The following TACC2 variants were observed in gnomAD, a reference collection of about 807,000 sequenced individuals.
TACC2 encodes transforming acidic coiled-coil-containing protein 2.
TACC2 carries 137 observed loss-of-function variants against 227.3 expected under a neutral mutation model. The ratio of observed to expected loss-of-function variants is 0.60; its 90% CI spans 0.52 to 0.69. The LOEUF is 0.69. TACC2 is among the 30% of genes least tolerant of loss of function. The pLI is 0.00. For missense variants in TACC2, 3,470 were observed against 3,694.4 expected, an observed-to-expected ratio of 0.94 and a Z score of 1.57; for synonymous variants, 1,523 against 1,487.5, an observed-to-expected ratio of 1.02 and a Z score of -0.55.
intron 5 of TACC2, among the ~76,000 whole-genome samples, chr10:122,128,018 C>T (rs553003124): frequency 6.6e-6 from 1 of 152,234 alleles, no homozygotes; most frequent in East Asian, 1.9e-4. Context: ...TAGCCTGTAG[C>T]CTGTTAGAAG....
chr10:122,062,074 C>G (rs1238844408), intron 3 of TACC2, among the ~76,000 whole-genome samples: 2 of 148,036 alleles, frequency 1.4e-5, no homozygotes, highest in Middle Eastern at 3.4e-3. Flanking sequence ...GCTCTGTCAC[C>G]CAGGCTGGAG....
At chr10:122,173,099 A>C (rs937744373) in intron 7 of TACC2, among the ~76,000 whole-genome samples, 8 of 152,192 alleles carry the variant, frequency 5.3e-5, no homozygotes, top group Admixed American at 6.5e-5. Flanking sequence ...AAAAGAGGGC[A>C]TATATCGCCT....
intron 7 of TACC2, among the ~76,000 whole-genome samples, chr10:122,181,636 A>C (rs2093973623): frequency 6.6e-6 from 1 of 152,154 alleles, no homozygotes; most frequent in Non-Finnish European, 1.5e-5. Context: ...CTCATATTTG[A>C]TGGCTGTGGT....
chr10:121,996,206 A>G (rs1229519756), intron 1 of TACC2, among the ~76,000 whole-genome samples: 11 of 151,996 alleles, frequency 7.2e-5, no homozygotes, highest in Non-Finnish European at 1.5e-5. Flanking sequence ...GGCACGCACC[A>G]CCACACCTGG....
intron 1 of TACC2, among the ~76,000 whole-genome samples, chr10:122,019,302 G>T (rs897348390): frequency 1.3e-5 from 2 of 152,248 alleles, no homozygotes; most frequent in Middle Eastern, 6.3e-3. Context: ...AGACTGCCGC[G>T]TCATCACATT....
intron 16 of TACC2, among the ~76,000 whole-genome samples, chr10:122,235,251 C>T (rs1452231234): frequency 1.3e-5 from 2 of 152,128 alleles, no homozygotes; most frequent in African/African-American, 4.8e-5. Context: ...CCACACCTGG[C>T]TAGTTTTTGT....
At chr10:122,013,606 C>T (rs1306814904) in intron 1 of TACC2, among the ~76,000 whole-genome samples, 1 of 152,216 alleles carries the variant, frequency 6.6e-6, no homozygotes, top group Non-Finnish European at 1.5e-5. Context: ...GCTGCTGGGT[C>T]AGGTGAACCT....
rs2084788642 is a variant in TACC2 at position 122,116,837 on chromosome 10, A to G, written c.5574-15772A>G. 1.3e-5 allele frequency among the ~76,000 whole-genome samples: 2 copies of G among 151,934 alleles called. 1 individual carries two copies. The highest frequency in any genetic ancestry group is 4.2e-4 in the South Asian group (2 of 4,816). ...AAGCTGTGTATTGACTCTGCCGTCC[A>G]TGAGCTGGTTGTCTCGGCTTCCTTT... On this transcript the variant is annotated intron_variant, in intron 5 of 22. Transcript: ENST00000369005.
chr10:121,990,704 A>G (rs1023531107), intron 1 of TACC2, among the ~76,000 whole-genome samples: 2 of 152,190 alleles, frequency 1.3e-5, no homozygotes, highest in Non-Finnish European at 1.5e-5. Context: ...ACCATGGAGA[A>G]AGCTCTCATC....
intron 9 of TACC2, chr10:122,213,387 T>G: frequency 1.2e-6 from 2 of 1,612,166 alleles, no homozygotes; most frequent in Non-Finnish European, 1.7e-6. Context: ...TGTAAGTAAA[T>G]TTAATGCAAT....
At position 122,135,606 on chromosome 10, in the gene TACC2, A is replaced by G. The variant is rs536080206; in HGVS notation, c.5699+2872A>G. Among the ~76,000 whole-genome samples, 5 of 152,364 alleles carry G rather than the reference A, an allele frequency of 3.3e-5. No homozygotes were observed. The East Asian group carries it at 9.6e-4, about 29-fold the overall frequency. On this transcript the variant is annotated intron_variant, in intron 6 of 22. Coordinates refer to ENST00000369005, the MANE Select transcript of TACC2 (RefSeq NM_206862.4). ...AAAAGAGATAGTTCTGTTAATACCAAGGATTGGTCTGACTTTGGTCACCAG... is the reference window on the plus strand; with the variant it reads ...AAAAGAGATAGTTCTGTTAATACCAGGGATTGGTCTGACTTTGGTCACCAG...
Position 122,005,563 on chromosome 10 carries a change from T to G in TACC2, c.-46+16075T>G, listed in dbSNP as rs377381193. Among the ~76,000 whole-genome samples, 40 of 150,904 alleles carry G rather than the reference T, an allele frequency of 2.7e-4. No homozygotes were observed. The South Asian group carries it at 8.2e-3, about 31-fold the overall frequency. On this transcript the variant is annotated intron_variant, in intron 1 of 22. Transcript: ENST00000369005. Reference sequence around the variant, plus strand: ...CCACGCCCGGCTGATTTTTTGTATTTTTAGTAGAGATGGGGTTTCACCATG... The same window carrying G: ...CCACGCCCGGCTGATTTTTTGTATTGTTAGTAGAGATGGGGTTTCACCATG...
chr10:122,182,660 G>A (rs1319521291), intron 7 of TACC2, among the ~76,000 whole-genome samples: 1 of 152,174 alleles, frequency 6.6e-6, no homozygotes, highest in Non-Finnish European at 1.5e-5. Context: ...ACTAAATGAC[G>A]AGTTATAAAG....
chr10:122,070,652 C>T (rs569760260), intron 3 of TACC2, among the ~76,000 whole-genome samples: 22 of 150,854 alleles, frequency 1.5e-4, no homozygotes, highest in African/African-American at 5.4e-4. Flanking sequence ...ACTTGGGAGG[C>T]TGAGGCAGGA....
intron 7 of TACC2, among the ~76,000 whole-genome samples, chr10:122,176,103 C>CTATATA (rs2093690391): frequency 1.3e-5 from 1 of 77,870 alleles, no homozygotes. Flanking sequence ...CTCTCTCTCT[C>CTATATA]TCTCTCTCTC....
At chr10:122,226,059 G>C (rs1332687585) in intron 12 of TACC2, among the ~76,000 whole-genome samples, 2 of 152,206 alleles carry the variant, frequency 1.3e-5, no homozygotes, top group African/African-American at 4.8e-5. Context: ...CTGGCCCAGA[G>C]AGCGTGCTCA....
In TACC2 at chr10:122,127,931, G is replaced by A. The variant is rs1056711744; in HGVS notation, c.5574-4678G>A. On this transcript the variant is annotated intron_variant, in intron 5 of 22. Coordinates refer to ENST00000369005, the MANE Select transcript of TACC2 (RefSeq NM_206862.4). ...AAATTATAAGATAATGATTTGGTAC[G>A]GAAGGTTTGTAGATCTTTATTCAGA... Among the ~76,000 whole-genome samples, 10 of 152,164 alleles carry A rather than the reference G, an allele frequency of 6.6e-5. No individual in the cohort carries two copies. In the East Asian group the frequency reaches 1.2e-3, roughly 18 times the overall value.
At chr10:122,127,489 T>G (rs2087115514) in intron 5 of TACC2, among the ~76,000 whole-genome samples, 1 of 152,210 alleles carries the variant, frequency 6.6e-6, no homozygotes, top group South Asian at 2.1e-4. Context: ...TAGTACAGGC[T>G]TCCCTCCCTG....
At chr10:122,077,181 T>A (rs2078918384) in intron 3 of TACC2, among the ~76,000 whole-genome samples, 1 of 151,762 alleles carries the variant, frequency 6.6e-6, no homozygotes, top group Admixed American at 6.6e-5. Flanking sequence ...TGGGTGCATC[T>A]CTGTATATTT....
Sources: gnomAD v4.1 joint callset for allele counts (sites outside exome capture counted in the v4.1 genomes callset) on GRCh38, gnomAD v4.1.1 for gene constraint, MANE v1.5 for transcripts, NCBI Gene and HGNC (gene_info 2026-07-23, HGNC 2026-07-21) for gene names.